The following ROBO1 variants were observed in gnomAD, a reference collection of about 807,000 sequenced individuals.
ROBO1 encodes the protein roundabout guidance receptor 1, also known as roundabout homolog 1.
ROBO1 carries 149 observed loss-of-function variants against 195.9 expected under a neutral mutation model. The observed-to-expected ratio is 0.76, with a 90% CI of 0.67 to 0.87. ROBO1 has a LOEUF of 0.87. ROBO1 is among the 40% of genes least tolerant of loss of function. The pLI is 0.00. For synonymous variants in ROBO1, 816 were observed against 733.2 expected, an observed-to-expected ratio of 1.11 and a Z score of -1.82; for missense variants, 1,933 against 2,068.3, an observed-to-expected ratio of 0.93 and a Z score of 1.27.
intron 2 of ROBO1, among the ~76,000 whole-genome samples, chr3:79,308,826 G>A (rs1463019336): frequency 6.6e-6 from 1 of 152,140 alleles, no homozygotes; most frequent in Admixed American, 6.5e-5. Context: ...GCTATTTCAT[G>A]CTATCCTGCA....
At chr3:79,761,722 ATACTC>A (rs1199385893) in intron 1 of ROBO1, among the ~76,000 whole-genome samples, 1 of 152,182 alleles carries the variant, frequency 6.6e-6, no homozygotes, top group Non-Finnish European at 1.5e-5. Flanking sequence ...CTAATTTACT[ATACTC>A]TAAGCAAATC....
At chr3:79,107,597 G>A (rs1408012107) in intron 3 of ROBO1, among the ~76,000 whole-genome samples, 1 of 151,644 alleles carries the variant, frequency 6.6e-6, no homozygotes, top group Non-Finnish European at 1.5e-5. Flanking sequence ...GAAAAGGACT[G>A]CTTGCATATT....
chr3:79,270,667 G>C (rs1201054484), intron 2 of ROBO1, among the ~76,000 whole-genome samples: 1 of 151,310 alleles, frequency 6.6e-6, no homozygotes, highest in Admixed American at 6.6e-5. Context: ...TAATGTTTCA[G>C]GTAAAGAGAA....
chr3:79,628,734 A>T (rs371613256), intron 1 of ROBO1, among the ~76,000 whole-genome samples: 6 of 152,284 alleles, frequency 3.9e-5, no homozygotes, highest in African/African-American at 1.4e-4. Flanking sequence ...GGATCCAACC[A>T]TTTTCTGTCT....
At chr3:78,620,090 CAA>C (rs1704366284) in intron 26 of ROBO1, among the ~76,000 whole-genome samples, 1 of 150,684 alleles carries the variant, frequency 6.6e-6, no homozygotes, top group African/African-American at 2.4e-5. Flanking sequence ...GCAAACAAAA[CAA>C]AACCATACAG....
intron 3 of ROBO1, among the ~76,000 whole-genome samples, chr3:79,031,338 G>GA (rs905117831): frequency 7.2e-5 from 11 of 151,992 alleles, no homozygotes; most frequent in African/African-American, 1.9e-4. Context: ...ATTTCTCCAG[G>GA]AAAAAAACCA....
chr3:78,923,087 C>T (rs1560004378), intron 4 of ROBO1, among the ~76,000 whole-genome samples: 2 of 152,220 alleles, frequency 1.3e-5, no homozygotes, highest in East Asian at 3.9e-4. Context: ...AGCAAGATAA[C>T]ATATAGCATT....
At chr3:79,716,034 A>G (rs1293157133) in intron 1 of ROBO1, among the ~76,000 whole-genome samples, 1 of 152,210 alleles carries the variant, frequency 6.6e-6, no homozygotes, top group East Asian at 1.9e-4. Context: ...AAAGCTGAAG[A>G]TGTTTTTAGC....
chr3:79,581,239 CTCTT>C (rs1487613447), intron 2 of ROBO1, among the ~76,000 whole-genome samples: 2 of 152,114 alleles, frequency 1.3e-5, no homozygotes, highest in East Asian at 1.9e-4. Context: ...AGGTTAGCGC[CTCTT>C]TCTATTAACC....
chr3:79,327,222 C>T (rs951787457), intron 2 of ROBO1, among the ~76,000 whole-genome samples: 10 of 151,772 alleles, frequency 6.6e-5, no homozygotes, highest in Admixed American at 5.9e-4. Context: ...AAGAAAAATA[C>T]TATGAGTAGG....
chr3:79,130,046 G>A (rs1251315560), intron 2 of ROBO1, among the ~76,000 whole-genome samples: 5 of 64,898 alleles, frequency 7.7e-5, no homozygotes, highest in African/African-American at 2.5e-4. Flanking sequence ...CTATATCTCT[G>A]TTTTGGTACC....
intron 4 of ROBO1, among the ~76,000 whole-genome samples, chr3:78,752,236 A>G (rs534436526): frequency 6.6e-6 from 1 of 152,276 alleles, no homozygotes; most frequent in South Asian, 2.1e-4. Flanking sequence ...CACCAACGTC[A>G]TGCTGATGTA....
At chr3:79,575,407 A>G (rs1383312117) in intron 2 of ROBO1, among the ~76,000 whole-genome samples, 1 of 129,968 alleles carries the variant, frequency 7.7e-6, no homozygotes, top group Non-Finnish European at 1.6e-5. Context: ...ATATAAATAT[A>G]GATAACAAAT....
chr3:78,717,295 A>G lies in ROBO1; in HGVS notation c.897T>C (p.Asp299=). 6.3e-7 allele frequency: 1 copy of G among 1,582,678 alleles called. No homozygotes were observed. Among genetic ancestry groups the G allele is most frequent in the Middle Eastern group, 1.7e-4 (1 of 5,866 alleles). ...PVPTVRWRKD[D]GELPKSRYEI... Reference sequence around the variant, plus strand: ...TGTACCTGGATTTGGGCAGCTCTCCATCATCTTTCCTCCATCGTACTGTAG... The same window carrying G: ...TGTACCTGGATTTGGGCAGCTCTCCGTCATCTTTCCTCCATCGTACTGTAG... The change falls in exon 7 of 31, where the codon GAT becomes GAC. Residue 299 remains aspartate (D), a synonymous_variant. Coordinates refer to ENST00000464233, the MANE Select transcript of ROBO1 (RefSeq NM_002941.4).
At chr3:79,668,679 C>T (rs375941691) in intron 1 of ROBO1, among the ~76,000 whole-genome samples, 5 of 151,610 alleles carry the variant, frequency 3.3e-5, no homozygotes, top group Non-Finnish European at 7.4e-5. Context: ...CACACACACA[C>T]GCATTATACA....
chr3:79,578,521 G>A (rs1560010563), intron 2 of ROBO1, among the ~76,000 whole-genome samples: 1 of 152,066 alleles, frequency 6.6e-6, no homozygotes, highest in Non-Finnish European at 1.5e-5. Flanking sequence ...ATATAATTAT[G>A]TTTTATTACA....
At chr3:78,753,161 T>G (rs1216951816) in intron 4 of ROBO1, among the ~76,000 whole-genome samples, 2 of 152,126 alleles carry the variant, frequency 1.3e-5, no homozygotes, top group Non-Finnish European at 2.9e-5. Context: ...ATTACCAGAA[T>G]AAAAACAATT....
chr3:78,707,020 C>T (rs536709204), intron 8 of ROBO1, among the ~76,000 whole-genome samples: 2 of 152,282 alleles, frequency 1.3e-5, no homozygotes, highest in East Asian at 1.9e-4. Flanking sequence ...CAAACTAATG[C>T]TTACAGCCTG....
At position 79,767,933 on chromosome 3, in the gene ROBO1, G is replaced by A. The variant is rs1705084313; in HGVS notation, c.-232C>T. On this transcript the variant is annotated 5_prime_UTR_variant, in exon 1 of 31. Coordinates refer to ENST00000464233, the MANE Select transcript of ROBO1 (RefSeq NM_002941.4). ...GGTTTCTTCTCTGTATCAGCACCCTGGAAAAATTCAATCCTTCTTCAGTAG... is the reference window on the plus strand; with the variant it reads ...GGTTTCTTCTCTGTATCAGCACCCTAGAAAAATTCAATCCTTCTTCAGTAG... The A allele has an allele frequency of 6.6e-6, 1 of 152,110 alleles. No individual in the cohort carries two copies. The highest frequency in any genetic ancestry group is 2.4e-5 in the African/African-American group (1 of 41,406). The allele number at this position is 152,110 out of a possible 1,614,324, so 9.4% of individuals were successfully genotyped here.
Sources: gnomAD v4.1 joint callset for allele counts (sites outside exome capture counted in the v4.1 genomes callset) on GRCh38, gnomAD v4.1.1 for gene constraint, MANE v1.5 for transcripts, NCBI Gene and HGNC (gene_info 2026-07-23, HGNC 2026-07-21) for gene names.